The following HOOK1 variants were observed in gnomAD, a reference collection of about 807,000 sequenced individuals.
HOOK1 encodes the protein protein Hook homolog 1.
A neutral mutation model predicts 112.8 loss-of-function variants in HOOK1; 60 were observed. That is an observed-to-expected ratio of 0.53 (90% CI 0.43 to 0.66). HOOK1 has a LOEUF of 0.66. HOOK1 is among the 30% of genes least tolerant of loss of function. HOOK1 has a pLI of 0.00. For synonymous variants in HOOK1, 294 were observed against 283.8 expected (o/e 1.04, Z -0.36); for missense variants, 770 against 856.0 (o/e 0.90, Z 1.25).
At chr1:59,845,781 G>T (rs1479350905) in intron 9 of HOOK1, among the ~76,000 whole-genome samples, 2 of 151,710 alleles carry the variant, frequency 1.3e-5, no homozygotes, top group African/African-American at 4.8e-5. Context: ...TAATTTGAAA[G>T]AATTTTTATA....
At chr1:59,818,868 G>C (rs1230004627) in intron 1 of HOOK1, among the ~76,000 whole-genome samples, 2 of 152,092 alleles carry the variant, frequency 1.3e-5, no homozygotes, top group African/African-American at 2.4e-5. Context: ...TTGAGTTTTT[G>C]TTGGCTGTTG....
chr1:59,815,345 C>G (rs1178559386), intron 1 of HOOK1, 165 bp downstream of exon 1: 2 of 649,448 alleles, frequency 3.1e-6, no homozygotes, highest in East Asian at 5.8e-5. Context: ...TGCGGGTCGA[C>G]GGGCAGGTGT....
At chr1:59,846,963 C>T in intron 9 of HOOK1, 82 bp from the exon 10 acceptor site, 1 of 1,091,110 alleles carries the variant, frequency 9.2e-7, no homozygotes. Flanking sequence ...TATGCATTTG[C>T]ATATATAGTC....
At chr1:59,852,952 T>C (rs2098408017) in intron 12 of HOOK1, among the ~76,000 whole-genome samples, 1 of 151,976 alleles carries the variant, frequency 6.6e-6, no homozygotes, top group East Asian at 1.9e-4. Context: ...TCTCCTTGTG[T>C]CATTGATTTA....
rs1311210540 is a variant in HOOK1 at position 59,872,941 on chromosome 1, A to ATAAC, written c.2163_2164insTAAC (p.Val722Ter). The ATAAC allele has an allele frequency of 6.6e-7, 1 of 1,507,920 alleles. No homozygotes were observed. Among genetic ancestry groups the ATAAC allele is most frequent in the Non-Finnish European group, 8.9e-7 (1 of 1,119,306 alleles). The allele number at this position is 1,507,920 out of a possible 1,614,324, so 93.4% of individuals were successfully genotyped here. On this transcript the variant is annotated stop_gained and frameshift_variant, in exon 22 of 22. Coordinates refer to ENST00000371208, the MANE Select transcript of HOOK1 (RefSeq NM_015888.6). LOFTEE classifies it high-confidence loss of function. ...ACACCAGAAGAAATCTCTCTGTTAA[A>ATAAC]GTCCCTGCTACAACATCTGATTAAA...
rs758268120 is a variant in HOOK1 at position 59,847,158 on chromosome 1, C to G, written c.902C>G (p.Ala301Gly). Residue 301 changes from alanine (A) to glycine (G), a missense_variant, in exon 10 of 22, where the codon GCC becomes GGC. By Grantham distance (60) the Ala-to-Gly change is moderately conservative. Transcript: ENST00000371208. Reference sequence around the variant, plus strand: ...ACTAGTCTTGCAGAAGAAACAAGAGCCCTGAAAGATGAAATAGATGTTCTT... The same window carrying G: ...ACTAGTCTTGCAGAAGAAACAAGAGGCCTGAAAGATGAAATAGATGTTCTT... ...ELTSLAEETR[A>G]LKDEIDVLRA... is the part of the protein sequence containing the mutation. 21 of 1,602,794 alleles carry G rather than the reference C, an allele frequency of 1.3e-5. No individual in the cohort carries two copies. The highest frequency in any genetic ancestry group is 1.7e-5 in the Non-Finnish European group (20 of 1,175,498).
chr1:59,843,434 G>A lies in HOOK1; in HGVS notation c.624G>A (p.Val208=), dbSNP rs1484640716. The change falls in exon 9 of 22, where the codon GTG becomes GTA. Residue 208 remains valine (V), a splice_region_variant and synonymous_variant. Transcript: ENST00000371208. ...RQRCEELDMQ[V]TTLQDEKNSL... ...ATGTATGTGTATTTGTTTCTTAGGT[G>A]ACTACACTTCAAGATGAAAAGAATT... The A allele has an allele frequency of 6.2e-7, 1 of 1,603,132 alleles. No homozygotes were observed. The highest frequency in any genetic ancestry group is 8.5e-7 in the Non-Finnish European group (1 of 1,175,332).
At chr1:59,816,084 C>G (rs991074966) in intron 1 of HOOK1, among the ~76,000 whole-genome samples, 1 of 152,098 alleles carries the variant, frequency 6.6e-6, no homozygotes, top group Admixed American at 6.5e-5. Flanking sequence ...TGATGCTCAT[C>G]CCAAACCAGT....
At chr1:59,872,389 A>G (rs1447177853) in intron 21 of HOOK1, among the ~76,000 whole-genome samples, 1 of 152,178 alleles carries the variant, frequency 6.6e-6, no homozygotes, top group African/African-American at 2.4e-5. Context: ...CTAAATTTGT[A>G]TTTTTAACAA....
chr1:59,865,983 T>C lies in HOOK1; in HGVS notation c.1845+11T>C. 7.0e-7 allele frequency: 1 copy of C among 1,429,652 alleles called. No homozygotes were observed. Among genetic ancestry groups the C allele is most frequent in the Non-Finnish European group, 9.8e-7 (1 of 1,023,764 alleles). The allele number at this position is 1,429,652 out of a possible 1,614,324, so 88.6% of individuals were successfully genotyped here. Reference sequence around the variant, plus strand: ...GAGAAAGCCAGAAATGTGAGTGACTTATCTTTCGGAGCTCAAGACTTTGTG... The same window carrying C: ...GAGAAAGCCAGAAATGTGAGTGACTCATCTTTCGGAGCTCAAGACTTTGTG... On this transcript the variant is annotated intron_variant, in intron 19 of 21. Coordinates refer to ENST00000371208, the MANE Select transcript of HOOK1 (RefSeq NM_015888.6).
intron 15 of HOOK1, among the ~76,000 whole-genome samples, chr1:59,861,381 T>C (rs888305682): frequency 3.9e-5 from 6 of 152,222 alleles, no homozygotes; most frequent in African/African-American, 1.4e-4. Flanking sequence ...TAACTGTTTC[T>C]GGACAAGTTA....
intron 2 of HOOK1, among the ~76,000 whole-genome samples, chr1:59,822,932 T>G (rs1255558896): frequency 6.6e-6 from 1 of 152,244 alleles, no homozygotes; most frequent in Non-Finnish European, 1.5e-5. Flanking sequence ...ATTAATACTT[T>G]AAAAGACAAA....
At chr1:59,839,783 T>C (rs529048839) in intron 7 of HOOK1, among the ~76,000 whole-genome samples, 2 of 152,306 alleles carry the variant, frequency 1.3e-5, no homozygotes, top group African/African-American at 4.8e-5. Context: ...TCAAAGGGAA[T>C]GCTTCCAGTT....
intron 7 of HOOK1, among the ~76,000 whole-genome samples, chr1:59,839,810 G>A (rs1237502100): frequency 6.6e-6 from 1 of 152,158 alleles, no homozygotes; most frequent in Admixed American, 6.5e-5. Context: ...CATTCAGTAT[G>A]ATATTGGCTG....
intron 7 of HOOK1, among the ~76,000 whole-genome samples, chr1:59,838,180 A>C (rs1336020753): frequency 1.3e-5 from 2 of 152,106 alleles, no homozygotes; most frequent in Non-Finnish European, 2.9e-5. Context: ...TTTGTAGTAG[A>C]ATGATTTATA....
Position 59,873,074 on chromosome 1 carries a change from G to A in HOOK1, c.*109G>A, listed in dbSNP as rs1024275152. ...CAGATTGAAAAAGAGTTTATGATGCGGGATATCAGGTATTTTAAAATCAAC... is the reference window on the plus strand; with the variant it reads ...CAGATTGAAAAAGAGTTTATGATGCAGGATATCAGGTATTTTAAAATCAAC... On this transcript the variant is annotated 3_prime_UTR_variant, in exon 22 of 22. Coordinates refer to ENST00000371208, the MANE Select transcript of HOOK1 (RefSeq NM_015888.6). 4.6e-6 allele frequency: 4 copies of A among 862,442 alleles called. No homozygotes were observed. The highest frequency in any genetic ancestry group is 3.2e-5 in the East Asian group (1 of 30,868). The allele number at this position is 862,442 out of a possible 1,614,324, so 53.4% of individuals were successfully genotyped here. A position where few individuals can be genotyped will look rare whatever the true frequency, so the allele number is the denominator to read the frequency against.
rs1159325488 is a variant in HOOK1 at position 59,847,138 on chromosome 1, T to C, written c.882T>C (p.Ser294=). 1 of 1,607,418 alleles carries C rather than the reference T, an allele frequency of 6.2e-7. No individual in the cohort carries two copies. Residue 294 remains serine, a synonymous_variant, in exon 10 of 22, where the codon AGT becomes AGC. Coordinates refer to ENST00000371208, the MANE Select transcript of HOOK1 (RefSeq NM_015888.6). The part of the protein sequence containing the change: ...EFQHRNDELT[S]LAEETRALKD... The stretch of plus-strand genomic sequence containing the variant: ...AGCATAGGAATGATGAATTGACTAG[T>C]CTTGCAGAAGAAACAAGAGCCCTGA...
At chr1:59,838,342 C>T (rs1295145642) in intron 7 of HOOK1, among the ~76,000 whole-genome samples, 1 of 152,192 alleles carries the variant, frequency 6.6e-6, no homozygotes, top group African/African-American at 2.4e-5. Flanking sequence ...TTTTCCACAG[C>T]CTCTCCAGTA....
At chr1:59,836,125 A>G (rs1440411197) in intron 6 of HOOK1, among the ~76,000 whole-genome samples, 1 of 152,098 alleles carries the variant, frequency 6.6e-6, no homozygotes, top group Non-Finnish European at 1.5e-5. Context: ...TGCATTTTCA[A>G]AATGTTAGAT....
Sources: allele counts gnomAD v4.1 joint callset (sites outside exome capture counted in the v4.1 genomes callset), GRCh38; gene constraint gnomAD v4.1.1; transcripts MANE v1.5; gene names NCBI Gene and HGNC (gene_info 2026-07-23, HGNC 2026-07-21).